Variants in UMODL1 observed in about 807,000 individuals in gnomAD.
UMODL1 encodes uromodulin-like 1.
In UMODL1, 128 loss-of-function variants were observed where a neutral mutation model predicts 136.3. The observed-to-expected ratio is 0.94, with a 90% CI of 0.81 to 1.09. The LOEUF (loss-of-function observed/expected upper bound fraction) is 1.09, where lower values mean the gene tolerates loss of function less well. UMODL1 is among the 50% of genes least tolerant of loss of function. UMODL1 has a pLI of 0.00. For missense variants in UMODL1, 1,766 were observed against 1,725.6 expected, an observed-to-expected ratio of 1.02 and a Z score of -0.41; for synonymous variants, 721 against 720.0, an observed-to-expected ratio of 1.00 and a Z score of -0.02.
At chr21:42,141,241 G>C (rs2067277111) in intron 22 of UMODL1, among the ~76,000 whole-genome samples, 1 of 152,140 alleles carries the variant, frequency 6.6e-6, no homozygotes, top group African/African-American at 2.4e-5. Flanking sequence ...GCCCTTGCTG[G>C]GCAACTTCAG....
At chr21:42,113,222 C>T (rs2066858986) in intron 12 of UMODL1, 1 of 189,864 alleles carries the variant, frequency 5.3e-6, no homozygotes, top group Non-Finnish European at 1.1e-5. Context: ...GGTAAATCCA[C>T]CCAGGGGTCA....
intron 1 of UMODL1, among the ~76,000 whole-genome samples, chr21:42,073,399 T>C (rs2066254094): frequency 6.6e-6 from 1 of 152,150 alleles, no homozygotes; most frequent in Non-Finnish European, 1.5e-5. Context: ...GACCTCCCGT[T>C]CCTTTGCAGA....
chr21:42,074,309 G>A (rs543248649), intron 1 of UMODL1, among the ~76,000 whole-genome samples: 1 of 152,094 alleles, frequency 6.6e-6, no homozygotes. Flanking sequence ...TTAGTATAAG[G>A]GCCAGTCATA....
chr21:42,127,155 G>T lies in UMODL1; in HGVS notation c.3443G>T (p.Ser1148Ile). 1.2e-6 allele frequency: 2 copies of T among 1,614,202 alleles called. No homozygotes were observed. The change falls in exon 19 of 23, where the codon AGC (serine) becomes ATC (isoleucine). Residue 1148 changes from serine to isoleucine, a missense_variant. Ser to Ile is a moderately radical substitution (Grantham distance 142). Coordinates refer to ENST00000408910, the MANE Select transcript of UMODL1 (RefSeq NM_001004416.3). ...GAAGTGGGGCTCTACAGGCAGAAAA[G>T]CAACCTCAAGGTGGTCCTGACGGAG... The part of the protein sequence containing the change: ...RIEVGLYRQK[S>I]NLKVVLTECW...
chr21:42,122,803 T>C lies in UMODL1; in HGVS notation c.2828-28T>C. On this transcript the variant is annotated intron_variant, in intron 16 of 22. Transcript: ENST00000408910. This position sits in a 1 kb window ranked among gnomAD's most constrained non-coding sequence, Gnocchi z 4.3. Reference sequence around the variant, plus strand: ...GCCAACCCCAAACACAGAGCCACTCTTTGCCTTTTCCTCCTTGTGCCTTGC... The same window carrying C: ...GCCAACCCCAAACACAGAGCCACTCCTTGCCTTTTCCTCCTTGTGCCTTGC... The C allele has an allele frequency of 6.4e-7, 1 of 1,560,174 alleles. No individual in the cohort carries two copies. The highest frequency in any genetic ancestry group is 8.7e-7 in the Non-Finnish European group (1 of 1,151,430).
chr21:42,090,163 C>A, intron 5 of UMODL1, 135 bp from the exon 6 acceptor site: 1 of 1,197,772 alleles, frequency 8.3e-7, no homozygotes, highest in Non-Finnish European at 1.2e-6. Context: ...CTTGGGATCA[C>A]TGCCCAAGGC....
chr21:42,137,450 C>T lies in UMODL1; in HGVS notation c.3787C>T (p.His1263Tyr). The T allele has an allele frequency of 6.2e-7, 1 of 1,614,216 alleles. No individual in the cohort carries two copies. The highest frequency in any genetic ancestry group is 8.5e-7 in the Non-Finnish European group (1 of 1,180,030). ...GTCTCCTCCCCGAGGTGAGCCTCCTCATGCAGAAGCAGGCCTGGGTGCCGG... is the reference window on the plus strand; with the variant it reads ...GTCTCCTCCCCGAGGTGAGCCTCCTTATGCAGAAGCAGGCCTGGGTGCCGG... ...PLIRSEGEPP[H>Y]AEAGLGAGYV... The change falls in exon 22 of 23, where the codon CAT (histidine) becomes TAT (tyrosine). Residue 1263 changes from histidine (H) to tyrosine (Y), a missense_variant. His to Tyr is a moderately conservative substitution (Grantham distance 83). Coordinates refer to ENST00000408910, the MANE Select transcript of UMODL1 (RefSeq NM_001004416.3).
Position 42,127,061 on chromosome 21 carries a change from C to A in UMODL1, c.3349C>A (p.Gln1117Lys). ...CGCTGGGAATTTTGTTACCGAAATG[C>A]AGTTGTTTATCGGAGACTCTCCCAT... ...HGAGNFVTEM[Q>K]LFIGDSPIPQ... The change falls in exon 19 of 23, where the codon CAG becomes AAG. Residue 1117 changes from glutamine (Q) to lysine (K), a missense_variant. Transcript: ENST00000408910. The A allele has an allele frequency of 3.1e-6, 5 of 1,614,176 alleles. No homozygotes were observed. The highest frequency in any genetic ancestry group is 3.4e-6 in the Non-Finnish European group (4 of 1,180,042).
In UMODL1 at chr21:42,099,113, G is replaced by T; in HGVS notation, c.1119G>T (p.Leu373=). 1 of 1,614,088 alleles carries T rather than the reference G, an allele frequency of 6.2e-7. No individual in the cohort carries two copies. The highest frequency in any genetic ancestry group is 8.5e-7 in the Non-Finnish European group (1 of 1,180,032). The change falls in exon 7 of 23, where the codon CTG becomes CTT. Residue 373 remains leucine (L), a synonymous_variant. Coordinates refer to ENST00000408910, the MANE Select transcript of UMODL1 (RefSeq NM_001004416.3). The surrounding 1 kb of genome is among the most constrained non-coding windows in gnomAD (Gnocchi z 4.1). ...LAVAGLEAGV[L]YRVKTSYQGC... ...TGGCTGGGCTGGAGGCTGGAGTGCT[G>T]TACAGGGTGAAGACCAGCTACCAGG...
intron 4 of UMODL1, 56 bp from the exon 5 acceptor site, chr21:42,088,238 C>T (rs998311781): frequency 3.8e-6 from 6 of 1,573,420 alleles, no homozygotes; most frequent in Middle Eastern, 2.1e-4. Flanking sequence ...TCAGTCTCCT[C>T]GTCTGTCTGA....
At chr21:42,127,862 G>A in intron 20 of UMODL1, 31 bp downstream of exon 20, 1 of 1,608,880 alleles carries the variant, frequency 6.2e-7, no homozygotes, top group Non-Finnish European at 8.5e-7. Context: ...TAAACGTTTG[G>A]TTGGATTCAC....
chr21:42,111,584 G>A lies in UMODL1; in HGVS notation c.1978G>A (p.Ala660Thr). The A allele has an allele frequency of 3.7e-6, 6 of 1,614,162 alleles. No homozygotes were observed. The highest frequency in any genetic ancestry group is 5.1e-6 in the Non-Finnish European group (6 of 1,180,004). Residue 660 changes from alanine to threonine, a missense_variant, in exon 12 of 23, where the codon GCC (alanine) becomes ACC (threonine). Transcript: ENST00000408910. ...EDPTGHFLWH[A>T]TRSTRETLLN... is the part of the protein sequence containing the mutation. Reference sequence around the variant, plus strand: ...CCCCACCGGCCACTTCCTGTGGCATGCCACCCGTTCCACCCGGGAAACACT... The same window carrying A: ...CCCCACCGGCCACTTCCTGTGGCATACCACCCGTTCCACCCGGGAAACACT...
chr21:42,108,914 AC>A (rs1212855417), intron 9 of UMODL1, among the ~76,000 whole-genome samples: 22 of 27,724 alleles, frequency 7.9e-4, no homozygotes, highest in African/African-American at 3.3e-3. Flanking sequence ...GCTGACCCCC[AC>A]CCCCCCCACG....
At chr21:42,121,520 T>C (rs924054720) in intron 16 of UMODL1, among the ~76,000 whole-genome samples, 2 of 152,182 alleles carry the variant, frequency 1.3e-5, no homozygotes, top group African/African-American at 4.8e-5. Context: ...TACACATACA[T>C]GAGGTGTGAA....
chr21:42,135,866 G>A (rs1419445869), intron 21 of UMODL1, among the ~76,000 whole-genome samples: 4 of 152,116 alleles, frequency 2.6e-5, no homozygotes, highest in East Asian at 1.9e-4. Context: ...TGATGGTGAC[G>A]CTCCATGCTG....
At chr21:42,108,459 C>T in intron 9 of UMODL1, 1 of 464,288 alleles carries the variant, frequency 2.2e-6, no homozygotes, top group Non-Finnish European at 4.5e-6. Flanking sequence ...GTGGAGACCG[C>T]AGGAAGCACA....
intron 9 of UMODL1, among the ~76,000 whole-genome samples, chr21:42,106,468 T>C (rs12626854): frequency 0.32 from 48,415 of 152,076 alleles, 7,967 homozygotes; most frequent in African/African-American, 0.4. Context: ...TGCCGGTGCG[T>C]CCACATGTCC....
At chr21:42,108,758 C>A (rs962515424) in intron 9 of UMODL1, among the ~76,000 whole-genome samples, 1 of 137,486 alleles carries the variant, frequency 7.3e-6, no homozygotes, top group East Asian at 2.2e-4. Flanking sequence ...GCGGGCCCCC[C>A]GGTGACATGA....
chr21:42,119,575 T>G (rs552536251), intron 15 of UMODL1, among the ~76,000 whole-genome samples: 23 of 152,316 alleles, frequency 1.5e-4, no homozygotes, highest in East Asian at 5.8e-4. Flanking sequence ...CTGCTTTCTT[T>G]CCGGGTCGAC....
Sources: gnomAD v4.1 joint callset for allele counts (sites outside exome capture counted in the v4.1 genomes callset) on GRCh38, gnomAD v4.1.1 for gene constraint, Gnocchi (gnomAD v3.1) non-coding constraint, MANE v1.5 for transcripts, NCBI Gene and HGNC (gene_info 2026-07-23, HGNC 2026-07-21) for gene names.